Variants in FER observed in about 807,000 individuals in gnomAD.
FER encodes FER tyrosine kinase, also known as tyrosine-protein kinase Fer.
A neutral mutation model predicts 111.0 loss-of-function variants in FER; 63 were observed. The observed-to-expected ratio is 0.57, with a 90% confidence interval of 0.46 to 0.70. FER has a LOEUF of 0.70. Among genes scored for constraint, FER ranks in the 30% least tolerant of loss-of-function variants. FER has a pLI of 0.00. For synonymous variants in FER, 327 were observed against 313.9 expected (o/e 1.04, Z -0.44); for missense variants, 914 against 954.0 (o/e 0.96, Z 0.55).
intron 5 of FER, among the ~76,000 whole-genome samples, chr5:108,864,981 T>C (rs1311732614): frequency 3.3e-5 from 5 of 152,166 alleles, no homozygotes; most frequent in Non-Finnish European, 7.4e-5. Context: ...TGATTCTTCC[T>C]ACCCATGAGC....
At chr5:108,783,142 C>T (rs529243635) in intron 2 of FER, among the ~76,000 whole-genome samples, 1 of 152,142 alleles carries the variant, frequency 6.6e-6, no homozygotes, top group Admixed American at 6.5e-5. Context: ...GTGAGGCTTT[C>T]TTAATTTTTT....
chr5:108,854,272 C>G (rs540892868), intron 5 of FER, among the ~76,000 whole-genome samples: 2 of 152,274 alleles, frequency 1.3e-5, no homozygotes, highest in East Asian at 3.9e-4. Context: ...TGAAACTTAT[C>G]TAGTACAGGT....
rs1047135835 is a variant in FER, at chr5:108,908,024, A to T, written c.1236+10176A>T. ...TAAATGTAGTAAAACATTTTAGTTT[A>T]TTGAGAACAATTTCATTATTATTTA... On this transcript the variant is annotated intron_variant, in intron 10 of 19. Transcript: ENST00000281092. 4.6e-5 allele frequency among the ~76,000 whole-genome samples: 7 copies of T among 152,326 alleles called. No homozygotes were observed. In the East Asian group the frequency reaches 1.3e-3, roughly 29 times the overall value.
chr5:108,885,089 T>A (rs1231581553), intron 9 of FER, among the ~76,000 whole-genome samples: 17 of 151,988 alleles, frequency 1.1e-4, no homozygotes, highest in African/African-American at 3.4e-4. Flanking sequence ...CTCACTCCTT[T>A]CCCTGAACTT....
intron 10 of FER, among the ~76,000 whole-genome samples, chr5:108,906,315 A>G (rs2150348185): frequency 6.6e-6 from 1 of 152,090 alleles, no homozygotes; most frequent in Admixed American, 6.5e-5. Flanking sequence ...TCTTGATGTT[A>G]TTTTTTCATT....
At chr5:109,044,546 AT>A (rs1248486515) in intron 14 of FER, 133 bp from the exon 15 acceptor site, 1 of 519,574 alleles carries the variant, frequency 1.9e-6, no homozygotes, top group Non-Finnish European at 3.5e-6. Flanking sequence ...CGTATGTCTG[AT>A]AGAAATTAGT....
chr5:109,181,243 C>T (rs6889791), intron 18 of FER, among the ~76,000 whole-genome samples: 55,522 of 151,956 alleles, frequency 0.37, 11,208 homozygotes, highest in South Asian at 0.47. Flanking sequence ...ATAATTGGTC[C>T]AATAACCTCA....
intron 13 of FER, among the ~76,000 whole-genome samples, chr5:108,966,678 G>A (rs144647593): frequency 0.01 from 1,585 of 152,112 alleles, 30 homozygotes; most frequent in African/African-American, 0.037. Context: ...GAGCCACTGC[G>A]CCTGGCCAAG....
chr5:109,015,379 G>C (rs76890916), intron 13 of FER, among the ~76,000 whole-genome samples: 7,046 of 152,138 alleles, frequency 0.046, 253 homozygotes, highest in South Asian at 0.11. Flanking sequence ...TTAAGATGTA[G>C]ATAGAGAAGC....
chr5:108,753,846 A>C (rs947024631), intron 1 of FER, among the ~76,000 whole-genome samples: 1 of 152,148 alleles, frequency 6.6e-6, no homozygotes, highest in African/African-American at 2.4e-5. Context: ...CAAGCACTGA[A>C]CTGACTTAGC....
chr5:109,062,643 C>G (rs1403405753), intron 16 of FER, among the ~76,000 whole-genome samples: 1 of 151,876 alleles, frequency 6.6e-6, no homozygotes, highest in Non-Finnish European at 1.5e-5. Flanking sequence ...TGAAAGATGC[C>G]GTGATGAATA....
chr5:108,829,848 C>G (rs1759853436), intron 3 of FER, among the ~76,000 whole-genome samples: 1 of 151,968 alleles, frequency 6.6e-6, no homozygotes, highest in Non-Finnish European at 1.5e-5. Context: ...TATAAAAAAC[C>G]AAACCACCAA....
intron 17 of FER, among the ~76,000 whole-genome samples, chr5:109,107,130 T>C (rs72796570): frequency 0.029 from 4,463 of 152,262 alleles, 78 homozygotes; most frequent in Middle Eastern, 0.11. Context: ...ACAGATAAGA[T>C]AGAAGAGAAA....
At chr5:109,015,826 T>G (rs1479713359) in intron 13 of FER, among the ~76,000 whole-genome samples, 2 of 152,004 alleles carry the variant, frequency 1.3e-5, no homozygotes, top group African/African-American at 2.4e-5. Context: ...AAATTGGCTT[T>G]TTTCTGTGTT....
At position 108,959,289 on chromosome 5, in the gene FER, C is replaced by T. The variant is rs1758847030; in HGVS notation, c.1598C>T (p.Thr533Ile). ...NIPQLIDHHY[T>I]TKQVITKKSG... ...CCTCAACTTATAGATCATCACTATA[C>T]AACAAAACAGGTCATCACTAAGAAA... is the stretch of plus-strand genomic sequence containing the variant. The change falls in exon 13 of 20, where the codon ACA (threonine) becomes ATA (isoleucine). Residue 533 changes from threonine to isoleucine, a missense_variant. Physicochemically the swap from Thr to Ile is moderately conservative, Grantham distance 89. Around this residue, in one of 3 missense-constraint regions of FER, gnomAD observed 774 missense variants for 782.6 expected, o/e 0.99. Transcript: ENST00000281092. 2 of 1,611,822 alleles carry T rather than the reference C, an allele frequency of 1.2e-6. No homozygotes were observed. The highest frequency in any genetic ancestry group is 1.3e-5 in the African/African-American group (1 of 74,800).
chr5:108,847,336 T>C (rs1008989318), intron 5 of FER, among the ~76,000 whole-genome samples: 1 of 152,062 alleles, frequency 6.6e-6, no homozygotes, highest in African/African-American at 2.4e-5. Context: ...TAGAGTTTTT[T>C]AATTTTTTAA....
intron 10 of FER, among the ~76,000 whole-genome samples, chr5:108,922,760 C>T (rs1032112014): frequency 1.3e-5 from 2 of 152,024 alleles, no homozygotes; most frequent in Non-Finnish European, 2.9e-5. Context: ...GGAGTGAATA[C>T]TGGGAAACTA....
At chr5:108,809,550 T>TA (rs1350619662) in intron 3 of FER, among the ~76,000 whole-genome samples, 1 of 152,186 alleles carries the variant, frequency 6.6e-6, no homozygotes, top group Non-Finnish European at 1.5e-5. Flanking sequence ...TGCTTTTCCA[T>TA]ACTTTGAATT....
chr5:108,908,082 A>G (rs1751038953), intron 10 of FER, among the ~76,000 whole-genome samples: 1 of 152,098 alleles, frequency 6.6e-6, no homozygotes, highest in African/African-American at 2.4e-5. Flanking sequence ...TTTGATTTTC[A>G]TTTTTAGATT....
Sources: gnomAD v4.1 joint callset for allele counts (sites outside exome capture counted in the v4.1 genomes callset) on GRCh38, gnomAD v4.1.1 for gene constraint, gnomAD v4.1.1 regional missense constraint, MANE v1.5 for transcripts, NCBI Gene and HGNC (gene_info 2026-07-23, HGNC 2026-07-21) for gene names.